LAMC3: variants seen among roughly 807,000 people sequenced by gnomAD.
LAMC3 encodes laminin subunit gamma 3.
LAMC3 carries 128 observed loss-of-function variants against 173.8 expected under a neutral mutation model. That is an observed-to-expected ratio of 0.74 (90% CI 0.64 to 0.85). The LOEUF (loss-of-function observed/expected upper bound fraction) is 0.85. Among genes scored for constraint, LAMC3 ranks in the 40% least tolerant of loss-of-function variants. The pLI is 0.00. For synonymous variants in LAMC3, 897 were observed against 909.1 expected, an observed-to-expected ratio of 0.99 and a Z score of 0.24; for missense variants, 2,022 against 2,156.0, an observed-to-expected ratio of 0.94 and a Z score of 1.23.
chr9:131,039,383 T>A, intron 6 of LAMC3, 135 bp downstream of exon 6: 1 of 764,362 alleles, frequency 1.3e-6, no homozygotes, highest in Non-Finnish European at 2.2e-6. Context: ...TGGTGAAGAC[T>A]AGAGACACTC....
intron 12 of LAMC3, among the ~76,000 whole-genome samples, chr9:131,058,476 C>T (rs968837300): frequency 5.3e-5 from 8 of 152,152 alleles, no homozygotes; most frequent in African/African-American, 1.9e-4. Flanking sequence ...CCAGGAGGCA[C>T]CTGAGAAGGC....
intron 23 of LAMC3, among the ~76,000 whole-genome samples, chr9:131,080,687 GC>G (rs1313610803): frequency 6.6e-6 from 1 of 152,042 alleles, no homozygotes; most frequent in African/African-American, 2.4e-5. Flanking sequence ...GTTTGGCTTT[GC>G]CCCCGGGGTA....
In LAMC3 at chr9:131,075,106, ATAATTT is replaced by A. The variant is rs375317410; in HGVS notation, c.3495-721_3495-716del. Reference sequence around the variant, plus strand: ...TGGTGAAACCCCCATCGCTACAAAAATAATTTTAAAAATTAGCCGGGCATGGTGGCA... The same window carrying A: ...TGGTGAAACCCCCATCGCTACAAAAATAAAAATTAGCCGGGCATGGTGGCA... On this transcript the variant is annotated intron_variant, in intron 20 of 27. Transcript: ENST00000361069. 2.8e-4 allele frequency among the ~76,000 whole-genome samples: 42 copies of A among 151,896 alleles called. No homozygotes were observed. In the East Asian group the frequency reaches 7.2e-3, roughly 26 times the overall value.
chr9:131,067,383 G>A (rs1033381306), intron 14 of LAMC3, among the ~76,000 whole-genome samples, 178 bp downstream of exon 14: 2 of 152,264 alleles, frequency 1.3e-5, no homozygotes, highest in Non-Finnish European at 2.9e-5. Flanking sequence ...GAAAGCACAA[G>A]GGTTTGCCCC....
At chr9:131,038,810 G>C in intron 4 of LAMC3, 54 bp from the exon 5 acceptor site, 1 of 1,569,806 alleles carries the variant, frequency 6.4e-7, no homozygotes, top group Admixed American at 1.7e-5. Context: ...CACAGATGCA[G>C]CCTCCTACCA....
intron 13 of LAMC3, among the ~76,000 whole-genome samples, chr9:131,063,971 G>T (rs1829878417): frequency 6.6e-6 from 1 of 152,098 alleles, no homozygotes; most frequent in Non-Finnish European, 1.5e-5. Flanking sequence ...GCGGTGGCAT[G>T]ATCTCAGCTC....
intron 5 of LAMC3, 22 bp from the exon 6 acceptor site, chr9:131,039,109 C>T (rs1206435878): frequency 6.2e-7 from 1 of 1,611,444 alleles, no homozygotes; most frequent in African/African-American, 1.3e-5. Flanking sequence ...GCCTCAATTG[C>T]CCTGTGCCCT....
At chr9:131,085,827 C>A in intron 25 of LAMC3, 104 bp downstream of exon 25, 1 of 1,110,116 alleles carries the variant, frequency 9.0e-7, no homozygotes, top group Non-Finnish European at 1.3e-6. Context: ...CGCACTCACT[C>A]ACTGCTCAGT....
At chr9:131,021,615 G>T (rs1451304219) in intron 1 of LAMC3, among the ~76,000 whole-genome samples, 4 of 152,124 alleles carry the variant, frequency 2.6e-5, no homozygotes, top group Admixed American at 2.6e-4. Context: ...TACCAGCTGG[G>T]TGTCCTCTAA....
chr9:131,091,676 G>A lies in LAMC3; in HGVS notation c.4617G>A (p.Gln1539=), dbSNP rs375799350. Reference sequence around the variant, plus strand: ...TGCTGGAGCAGGAATCCCAGCAGCAGGAGCTGCAGATCCAGGGCTTCGAGA... The same window carrying A: ...TGCTGGAGCAGGAATCCCAGCAGCAAGAGCTGCAGATCCAGGGCTTCGAGA... The part of the protein sequence containing the change: ...LSLLEQESQQ[Q]ELQIQGFESD... Residue 1539 remains glutamine, a synonymous_variant, in exon 28 of 28, where the codon CAG becomes CAA. Transcript: ENST00000361069. 1 of 1,609,946 alleles carries A rather than the reference G, an allele frequency of 6.2e-7. No homozygotes were observed. Among genetic ancestry groups the A allele is most frequent in the Non-Finnish European group, 8.5e-7 (1 of 1,178,422 alleles).
intron 1 of LAMC3, among the ~76,000 whole-genome samples, chr9:131,017,800 C>T (rs1207798600): frequency 2.7e-5 from 4 of 148,224 alleles, no homozygotes; most frequent in Non-Finnish European, 5.9e-5. Flanking sequence ...CTGAGGCGGG[C>T]GGATCACCTT....
intron 1 of LAMC3, among the ~76,000 whole-genome samples, chr9:131,016,009 G>A (rs969098250): frequency 2.0e-5 from 3 of 152,170 alleles, no homozygotes; most frequent in African/African-American, 7.2e-5. Flanking sequence ...AGTGTCCACC[G>A]AGGGGTGAAT....
At chr9:131,034,749 TGG>T (rs1321330427) in intron 3 of LAMC3, among the ~76,000 whole-genome samples, 1 of 152,140 alleles carries the variant, frequency 6.6e-6, no homozygotes, top group African/African-American at 2.4e-5. Flanking sequence ...ACAGGGACAG[TGG>T]TCGGGACAGG....
chr9:131,046,518 A>ATTTTTTTTTTT lies in LAMC3; in HGVS notation c.1519+874_1519+884dup, dbSNP rs71501242. On this transcript the variant is annotated intron_variant, in intron 8 of 27. Coordinates refer to ENST00000361069, the MANE Select transcript of LAMC3 (RefSeq NM_006059.4). The stretch of plus-strand genomic sequence containing the variant: ...ACCACCATGCCGAGCTAATTTTTGT[A>ATTTTTTTTTTT]TTTTTTTTTTTTTTTTTTTTTTTTT... 2.6e-3 allele frequency among the ~76,000 whole-genome samples: 127 copies of ATTTTTTTTTTT among 49,164 alleles called. 18 individuals carry two copies. Among genetic ancestry groups the ATTTTTTTTTTT allele is most frequent in the South Asian group, 4.2e-3 (4 of 952 alleles). 32.3% of individuals were successfully genotyped at this position (49,164 alleles called of 152,430 possible). A position where few individuals can be genotyped will look rare whatever the true frequency, so the allele number is the denominator to read the frequency against.
At chr9:131,019,501 T>C (rs983800419) in intron 1 of LAMC3, among the ~76,000 whole-genome samples, 1 of 152,148 alleles carries the variant, frequency 6.6e-6, no homozygotes, top group African/African-American at 2.4e-5. Context: ...TGGATCACAT[T>C]GTCCCAAGTG....
At chr9:131,036,093 T>C (rs1833938061) in intron 3 of LAMC3, 73 bp from the exon 4 acceptor site, 1 of 1,516,618 alleles carries the variant, frequency 6.6e-7, no homozygotes, top group Non-Finnish European at 9.1e-7. Flanking sequence ...AAACAGGGGC[T>C]ACCTGGTGAC....
chr9:131,066,678 G>A (rs1422650501), intron 13 of LAMC3, among the ~76,000 whole-genome samples: 1 of 152,070 alleles, frequency 6.6e-6, no homozygotes, highest in Non-Finnish European at 1.5e-5. Context: ...GATGTTAAGC[G>A]CTTTTCACAA....
intron 1 of LAMC3, among the ~76,000 whole-genome samples, chr9:131,023,976 C>G (rs1833675795): frequency 6.6e-6 from 1 of 151,874 alleles, no homozygotes; most frequent in African/African-American, 2.4e-5. Context: ...GTTGCCTTTT[C>G]ATTTTCTCAG....
At chr9:131,045,798 C>G (rs1216903137) in intron 8 of LAMC3, 138 bp downstream of exon 8, 15 of 1,118,648 alleles carry the variant, frequency 1.3e-5, no homozygotes, top group Admixed American at 1.2e-4. Context: ...TAGGTGGGGT[C>G]GGGGGTGAGA....
Sources: gnomAD v4.1 joint callset for allele counts (sites outside exome capture counted in the v4.1 genomes callset) on GRCh38, gnomAD v4.1.1 for gene constraint, MANE v1.5 for transcripts, NCBI Gene and HGNC (gene_info 2026-07-23, HGNC 2026-07-21) for gene names.